FBXL5: variants seen among roughly 807,000 people sequenced by gnomAD.
FBXL5 encodes F-box and leucine rich repeat protein 5.
FBXL5 carries 26 observed loss-of-function variants against 78.3 expected under a neutral mutation model. That is an observed-to-expected ratio of 0.33 (90% CI 0.24 to 0.46). The LOEUF (loss-of-function observed/expected upper bound fraction) is 0.46. Ranked by LOEUF, FBXL5 falls within the 20% of genes least tolerant of loss-of-function variation. FBXL5 has a pLI of 1.00. For synonymous variants in FBXL5, 295 were observed against 282.5 expected (o/e 1.04, Z -0.45); for missense variants, 710 against 829.2 (o/e 0.86, Z 1.77).
chr4:15,624,113 C>T (rs906598098), intron 9 of FBXL5, among the ~76,000 whole-genome samples: 6 of 152,058 alleles, frequency 3.9e-5, no homozygotes, highest in Admixed American at 1.3e-4. Context: ...CGTGAGCCAC[C>T]GCACCCGGCC....
chr4:15,630,530 T>TA, intron 6 of FBXL5, 136 bp downstream of exon 6: 1 of 692,552 alleles, frequency 1.4e-6, no homozygotes, highest in Non-Finnish European at 2.1e-6. Flanking sequence ...CTTCAAATTT[T>TA]AAAAAGTAGT....
intron 6 of FBXL5, among the ~76,000 whole-genome samples, chr4:15,629,381 A>G (rs1030401691): frequency 2.4e-4 from 36 of 152,140 alleles, no homozygotes; most frequent in African/African-American, 7.2e-4. Context: ...CAAATATCTC[A>G]TCTCCTTCAG....
At chr4:15,611,878 ACT>A (rs1722295106) in intron 10 of FBXL5, 1 of 154,018 alleles carries the variant, frequency 6.5e-6, no homozygotes, top group Non-Finnish European at 1.4e-5. Flanking sequence ...AAGAAATAAG[ACT>A]CTATTATCCC....
chr4:15,645,630 T>C (rs1032806815), intron 1 of FBXL5, among the ~76,000 whole-genome samples: 6 of 152,052 alleles, frequency 3.9e-5, no homozygotes, highest in Non-Finnish European at 5.9e-5. Flanking sequence ...GGTTTCACCA[T>C]CTTGGCCAGG....
upstream of FBXL5, among the ~76,000 whole-genome samples, chr4:15,662,265 C>T (rs1008711781): frequency 1.3e-5 from 2 of 152,158 alleles, no homozygotes; most frequent in African/African-American, 4.8e-5. Context: ...GGGGCATAGG[C>T]TCCTTCCACG....
chr4:15,630,450 T>A (rs1713509561), intron 6 of FBXL5, among the ~76,000 whole-genome samples: 1 of 152,200 alleles, frequency 6.6e-6, no homozygotes, highest in African/African-American at 2.4e-5. Flanking sequence ...TTGATTTTAA[T>A]ATAAAAACGA....
At chr4:15,637,184 C>A (rs1290858219) in intron 4 of FBXL5, among the ~76,000 whole-genome samples, 1 of 152,094 alleles carries the variant, frequency 6.6e-6, no homozygotes, top group Non-Finnish European at 1.5e-5. Context: ...AAGAGGTCTG[C>A]GAAATCTGAC....
At chr4:15,630,531 A>T in intron 6 of FBXL5, 135 bp downstream of exon 6, 1 of 695,614 alleles carries the variant, frequency 1.4e-6, no homozygotes, top group Non-Finnish European at 2.1e-6. Flanking sequence ...TTCAAATTTT[A>T]AAAAGTAGTA....
rs1333438458 is a variant in FBXL5 at position 15,638,548 on chromosome 4, C to A, written c.543G>T (p.Gln181His). Reference protein sequence around the residue: ...LSLWNHAEERQKFFKYSVDEK... With the variant: ...LSLWNHAEERHKFFKYSVDEK... ...CATCCACGGAATATTTAAAAAACTTCTGTCGCTCTTCAGCATGATTCCATA... is the reference window on the plus strand; with the variant it reads ...CATCCACGGAATATTTAAAAAACTTATGTCGCTCTTCAGCATGATTCCATA... The change falls in exon 4 of 11, where the codon CAG becomes CAT. Residue 181 changes from glutamine (Q) to histidine (H), a missense_variant. Physicochemically the swap from Gln to His is conservative, Grantham distance 24 (BLOSUM62 0). Transcript: ENST00000341285. 1.3e-6 allele frequency: 2 copies of A among 1,598,908 alleles called. No homozygotes were observed. Among genetic ancestry groups the A allele is most frequent in the Non-Finnish European group, 1.7e-6 (2 of 1,176,272 alleles).
intron 4 of FBXL5, among the ~76,000 whole-genome samples, chr4:15,636,971 T>A (rs1359393290): frequency 6.6e-6 from 1 of 152,206 alleles, no homozygotes. Flanking sequence ...ATACTCACTT[T>A]GTAGCATTAA....
In FBXL5 at chr4:15,638,776, C is replaced by T. The variant is rs534553068; in HGVS notation, c.397-82G>A. 42 of 852,314 alleles carry T rather than the reference C, an allele frequency of 4.9e-5. No individual in the cohort carries two copies. In the African/African-American group the frequency reaches 5.0e-4, roughly 10 times the overall value. 52.8% of individuals were successfully genotyped at this position (852,314 alleles called of 1,614,324 possible). ...AAACCCTTTTAAATTATTAATGGCT[C>T]GAATGTCGTATTATGACCATATATC... On this transcript the variant is annotated intron_variant, in intron 3 of 10. Transcript: ENST00000341285.
chr4:15,640,761 A>C, intron 3 of FBXL5, 27 bp downstream of exon 3: 1 of 1,259,298 alleles, frequency 7.9e-7, no homozygotes, highest in Non-Finnish European at 1.1e-6. Flanking sequence ...TTATAAATCT[A>C]AATCACGAAA....
chr4:15,655,186 G>A lies in FBXL5; in HGVS notation c.84+18C>T. 1 of 1,378,390 alleles carries A rather than the reference G, an allele frequency of 7.3e-7. No individual in the cohort carries two copies. The allele number at this position is 1,378,390 out of a possible 1,614,324, so 85.4% of individuals were successfully genotyped here. ...GCCGCCCGCACCGCCCACAGCGGGA[G>A]GCTCAGCGCTCCGTTACCTTGTCGC... is the stretch of plus-strand genomic sequence containing the variant. On this transcript the variant is annotated intron_variant, in intron 1 of 10. Transcript: ENST00000341285.
At chr4:15,617,062 C>A (rs1711965343) in intron 9 of FBXL5, among the ~76,000 whole-genome samples, 1 of 152,192 alleles carries the variant, frequency 6.6e-6, no homozygotes. Flanking sequence ...GACAGTATAG[C>A]AATTTCTCAA....
intron 9 of FBXL5, among the ~76,000 whole-genome samples, chr4:15,622,605 T>C (rs923362860): frequency 1.3e-5 from 2 of 152,222 alleles, no homozygotes; most frequent in African/African-American, 4.8e-5. Flanking sequence ...GATACTATGT[T>C]TTCTGTCTAT....
At chr4:15,679,311 C>CA (rs1718112790) in intron 1 of FBXL5, among the ~76,000 whole-genome samples, 1 of 152,118 alleles carries the variant, frequency 6.6e-6, no homozygotes, top group South Asian at 2.1e-4. Context: ...TTCGGCCTCT[C>CA]AAAGTGCTGG....
intron 5 of FBXL5, among the ~76,000 whole-genome samples, chr4:15,634,884 T>C (rs1714086270): frequency 6.6e-6 from 1 of 152,100 alleles, no homozygotes; most frequent in African/African-American, 2.4e-5. Context: ...AGAAAAAATA[T>C]TTTCTGCATC....
intron 10 of FBXL5, among the ~76,000 whole-genome samples, 156 bp from the exon 11 acceptor site, chr4:15,605,955 C>T (rs922416034): frequency 3.3e-5 from 5 of 152,194 alleles, no homozygotes; most frequent in African/African-American, 1.2e-4. Context: ...ATTATTCAGA[C>T]ACAAAACTCA....
At chr4:15,647,222 C>CAAAAAAAAAA (rs112736448) in intron 1 of FBXL5, among the ~76,000 whole-genome samples, 29 of 36,428 alleles carry the variant, frequency 8.0e-4, no homozygotes, top group African/African-American at 1.7e-3. Context: ...GACTCCATCT[C>CAAAAAAAAAA]AAAAAAAAAA....
Sources: allele counts gnomAD v4.1 joint callset (sites outside exome capture counted in the v4.1 genomes callset), GRCh38; gene constraint gnomAD v4.1.1; transcripts MANE v1.5; gene names NCBI Gene and HGNC (gene_info 2026-07-23, HGNC 2026-07-21).